DEAF1: variants seen among roughly 807,000 people sequenced by gnomAD.
DEAF1 encodes the protein DEAF1 transcription factor.
DEAF1 carries 53 observed loss-of-function variants against 58.9 expected under a neutral mutation model. That is an observed-to-expected ratio of 0.90 (90% CI 0.72 to 1.13). The LOEUF (loss-of-function observed/expected upper bound fraction) is 1.13. Among genes scored for constraint, DEAF1 ranks in the 50% most tolerant of loss-of-function variants. The pLI is 0.00. For missense variants in DEAF1, 685 were observed against 791.4 expected (o/e 0.87, Z 1.61); for synonymous variants, 385 against 340.4 (o/e 1.13, Z -1.44).
chr11:695,416 C>A (rs1861082013), upstream of DEAF1: 2 of 426,422 alleles, frequency 4.7e-6, no homozygotes, highest in Non-Finnish European at 8.0e-6. Flanking sequence ...TCCTCACTGT[C>A]CTGACAGGCT....
upstream of DEAF1, chr11:695,579 C>CCGAGA: frequency 8.1e-7 from 1 of 1,237,306 alleles, no homozygotes; most frequent in East Asian, 3.2e-5. Flanking sequence ...CGAGGCCGAG[C>CCGAGA]CGAGACGAGC....
At chr11:680,044 C>T (rs945881917) in intron 7 of DEAF1, 13 of 589,462 alleles carry the variant, frequency 2.2e-5, no homozygotes, top group South Asian at 5.9e-5. Flanking sequence ...ACCAATTGTT[C>T]GCTGTTTAAA....
At chr11:672,459 C>T (rs1859873529) in intron 10 of DEAF1, among the ~76,000 whole-genome samples, 1 of 152,132 alleles carries the variant, frequency 6.6e-6, no homozygotes, top group South Asian at 2.1e-4. Context: ...TTGAATACGG[C>T]CTGGGATGAT....
At chr11:692,779 G>A (rs1860888523) in intron 1 of DEAF1, among the ~76,000 whole-genome samples, 1 of 152,054 alleles carries the variant, frequency 6.6e-6, no homozygotes, top group Admixed American at 6.6e-5. Context: ...TTGAACCCGG[G>A]AGGCGGGAGG....
chr11:686,706 A>C, intron 5 of DEAF1, 152 bp downstream of exon 5: 1 of 1,001,936 alleles, frequency 1.0e-6, no homozygotes, highest in Non-Finnish European at 1.5e-6. Context: ...TGAGAGGGTA[A>C]ATCACTCGCC....
chr11:671,731 A>T (rs950183410), intron 10 of DEAF1, among the ~76,000 whole-genome samples: 9 of 150,782 alleles, frequency 6.0e-5, no homozygotes, highest in Non-Finnish European at 1.3e-4. Context: ...ATAAAAAAAT[A>T]AATTAGGCAA....
At chr11:701,726 A>G (rs77121476) in intron 1 of DEAF1, among the ~76,000 whole-genome samples, 7,857 of 151,980 alleles carry the variant, frequency 0.052, 389 homozygotes, top group East Asian at 0.19. Flanking sequence ...GGGTTTCGCT[A>G]TGTTACCCTG....
intron 10 of DEAF1, among the ~76,000 whole-genome samples, chr11:659,437 C>T (rs1385554010): frequency 1.3e-5 from 2 of 152,032 alleles, no homozygotes; most frequent in Admixed American, 6.6e-5. Flanking sequence ...AGACACACCC[C>T]GGATGGAGAT....
intron 10 of DEAF1, among the ~76,000 whole-genome samples, chr11:662,896 C>A (rs1043849193): frequency 1.3e-5 from 2 of 152,200 alleles, no homozygotes; most frequent in African/African-American, 4.8e-5. Flanking sequence ...GGCAGCAGCA[C>A]CATGAATATC....
At chr11:664,154 G>A (rs568342404) in intron 10 of DEAF1, among the ~76,000 whole-genome samples, 2 of 151,874 alleles carry the variant, frequency 1.3e-5, no homozygotes, top group African/African-American at 2.4e-5. Flanking sequence ...CAGAGGTTGC[G>A]GTGAGCCGAG....
At chr11:701,284 ATCC>A (rs1230430825) in intron 1 of DEAF1, among the ~76,000 whole-genome samples, 1 of 151,452 alleles carries the variant, frequency 6.6e-6, no homozygotes. Context: ...GGCTTGAGCG[ATCC>A]TCCTGCCTCA....
chr11:698,727 C>G, upstream of DEAF1: 572 of 937,266 alleles, frequency 6.1e-4, no homozygotes, highest in Admixed American at 2.5e-3. Flanking sequence ...TAGTGGCAGG[C>G]CCACGGTATA....
intron 1 of DEAF1, chr11:700,304 A>G: frequency 1.4e-6 from 2 of 1,401,130 alleles, no homozygotes; most frequent in South Asian, 1.2e-5. Flanking sequence ...AGGTGGGCGG[A>G]TCACTTGAGG....
intron 10 of DEAF1, among the ~76,000 whole-genome samples, chr11:665,744 A>G (rs565752885): frequency 2.0e-5 from 3 of 152,302 alleles, no homozygotes; most frequent in South Asian, 4.1e-4. Flanking sequence ...CAGGTGACGT[A>G]GCAGGGAGAT....
chr11:682,776 C>CT (rs761001063), intron 6 of DEAF1, among the ~76,000 whole-genome samples: 31 of 152,178 alleles, frequency 2.0e-4, no homozygotes, highest in Non-Finnish European at 3.1e-4. Context: ...TGGGTAAAGC[C>CT]TCTGCCCTCT....
chr11:645,766 G>A (rs1337455123), intron 11 of DEAF1, among the ~76,000 whole-genome samples: 2 of 152,192 alleles, frequency 1.3e-5, no homozygotes, highest in African/African-American at 2.4e-5. Context: ...CTGCTACGTC[G>A]AGCACCTCGG....
chr11:696,349 G>A (rs1861156519), upstream of DEAF1, among the ~76,000 whole-genome samples: 1 of 152,146 alleles, frequency 6.6e-6, no homozygotes, highest in Admixed American at 6.6e-5. Context: ...CCCATACGCG[G>A]GCGCTGAAGT....
At chr11:697,849 A>C (rs899821006), upstream of DEAF1, 1 of 152,240 alleles carries the variant, frequency 6.6e-6, no homozygotes, top group Non-Finnish European at 1.5e-5. Flanking sequence ...TGAGTCTCTG[A>C]TGCCGATGTC....
At chr11:658,793 C>T (rs1859186320) in intron 10 of DEAF1, among the ~76,000 whole-genome samples, 1 of 152,250 alleles carries the variant, frequency 6.6e-6, no homozygotes, top group Admixed American at 6.5e-5. Flanking sequence ...GGCCTGCCTT[C>T]CCTGCTGCAG....
Sources: gnomAD v4.1 joint callset for allele counts (sites outside exome capture counted in the v4.1 genomes callset) on GRCh38, gnomAD v4.1.1 for gene constraint, MANE v1.5 for transcripts, NCBI Gene and HGNC (gene_info 2026-07-23, HGNC 2026-07-21) for gene names.